Variants in BCR observed in about 807,000 individuals in gnomAD.
BCR encodes breakpoint cluster region protein.
Under a neutral mutation model 138.6 loss-of-function variants are expected in BCR, and 58 were observed. That is an observed-to-expected ratio of 0.42 (90% CI 0.34 to 0.52). BCR has a LOEUF of 0.52. BCR is among the 20% of genes least tolerant of loss of function. The pLI, the probability that BCR is intolerant of heterozygous loss-of-function variation, is 0.06. For missense variants in BCR, 1,599 were observed against 1,727.2 expected (o/e 0.93, Z 1.32); for synonymous variants, 786 against 730.1 (o/e 1.08, Z -1.23).
chr22:23,185,711 G>A (rs1233576413), intron 1 of BCR, among the ~76,000 whole-genome samples: 8 of 149,450 alleles, frequency 5.4e-5, no homozygotes, highest in Admixed American at 1.3e-4. Context: ...AGGAGAGTGT[G>A]GTTCTCTCTG....
At chr22:23,210,888 A>G (rs557821727) in intron 1 of BCR, among the ~76,000 whole-genome samples, 6 of 152,226 alleles carry the variant, frequency 3.9e-5, no homozygotes, top group African/African-American at 1.2e-4. Context: ...TTTCTATCCC[A>G]CTAACATCTT....
intron 2 of BCR, among the ~76,000 whole-genome samples, chr22:23,259,871 C>G (rs1169840924): frequency 6.6e-6 from 1 of 152,064 alleles, no homozygotes; most frequent in African/African-American, 2.4e-5. Flanking sequence ...GCATGAGGTC[C>G]CAGCTACTTG....
At chr22:23,258,786 G>A (rs948803440) in intron 2 of BCR, among the ~76,000 whole-genome samples, 1 of 152,216 alleles carries the variant, frequency 6.6e-6, no homozygotes, top group Non-Finnish European at 1.5e-5. Context: ...AGATGTCAGC[G>A]GGGCCAACGA....
At chr22:23,288,996 A>G (rs545237299) in intron 12 of BCR, among the ~76,000 whole-genome samples, 3 of 152,220 alleles carry the variant, frequency 2.0e-5, no homozygotes, top group African/African-American at 7.2e-5. Flanking sequence ...GGGATCAAGG[A>G]TCTCCGGGCA....
At chr22:23,312,744 G>C in intron 19 of BCR, 143 bp from the exon 20 acceptor site, 1 of 692,508 alleles carries the variant, frequency 1.4e-6, no homozygotes, top group Non-Finnish European at 2.5e-6. Context: ...GCTCTTGGGA[G>C]GAGTCAGATG....
chr22:23,263,728 G>A, intron 4 of BCR: 1 of 1,424,360 alleles, frequency 7.0e-7, no homozygotes, highest in South Asian at 1.1e-5. Context: ...TGAACAGGAG[G>A]TGAACTGTGT....
chr22:23,224,605 G>C (rs1014366205), intron 1 of BCR, among the ~76,000 whole-genome samples: 3 of 152,210 alleles, frequency 2.0e-5, no homozygotes, highest in Non-Finnish European at 4.4e-5. Flanking sequence ...TGAGAGGCCG[G>C]GGGCTGTAGC....
At chr22:23,297,228 TTTTTTTTTTC>T (rs2073856391) in intron 16 of BCR, among the ~76,000 whole-genome samples, 2 of 146,260 alleles carry the variant, frequency 1.4e-5, no homozygotes, top group African/African-American at 5.1e-5. Context: ...TTTGTTTTTT[TTTTTTTTTTC>T]GAGACAGAGT....
At chr22:23,188,566 G>A (rs1311591814) in intron 1 of BCR, among the ~76,000 whole-genome samples, 1 of 152,174 alleles carries the variant, frequency 6.6e-6, no homozygotes, top group Admixed American at 6.5e-5. Context: ...CACCCCTGTG[G>A]TTTGAGAGGG....
At chr22:23,195,545 A>G (rs920070859) in intron 1 of BCR, among the ~76,000 whole-genome samples, 1 of 151,674 alleles carries the variant, frequency 6.6e-6, no homozygotes, top group African/African-American at 2.4e-5. Flanking sequence ...GTGAGCCAAG[A>G]TCTTGCCACT....
At chr22:23,285,584 C>T (rs1451831389) in intron 10 of BCR, among the ~76,000 whole-genome samples, 1 of 152,138 alleles carries the variant, frequency 6.6e-6, no homozygotes, top group Non-Finnish European at 1.5e-5. Flanking sequence ...AAACTGTGTC[C>T]AGTTTATGCC....
chr22:23,247,567 G>A (rs1286043752), intron 1 of BCR, among the ~76,000 whole-genome samples: 2 of 152,188 alleles, frequency 1.3e-5, no homozygotes, highest in Admixed American at 1.3e-4. Flanking sequence ...CACATTGGCA[G>A]AGGTTGGGTC....
At chr22:23,240,964 A>C (rs1469677710) in intron 1 of BCR, among the ~76,000 whole-genome samples, 1 of 152,204 alleles carries the variant, frequency 6.6e-6, no homozygotes. Flanking sequence ...GATTTCACTT[A>C]GCATAATGTC....
rs2146186755 is a variant in BCR at position 23,180,718 on chromosome 22, C to G, written c.-243C>G. 1 of 149,454 alleles carries G rather than the reference C, an allele frequency of 6.7e-6. No individual in the cohort carries two copies. The highest frequency in any genetic ancestry group is 6.7e-5 in the Admixed American group (1 of 14,844). The allele number at this position is 149,454 out of a possible 1,614,324, so 9.3% of individuals were successfully genotyped here. On this transcript the variant is annotated 5_prime_UTR_variant, in exon 1 of 23. Coordinates refer to ENST00000305877, the MANE Select transcript of BCR (RefSeq NM_004327.4). ...CCCGCGCCTCGCCGTGCGGAGGAGC[C>G]CCGCACACAATAGCGGCGCGCGCAG...
intron 1 of BCR, among the ~76,000 whole-genome samples, chr22:23,244,383 G>A (rs944063651): frequency 6.6e-6 from 1 of 152,160 alleles, no homozygotes; most frequent in Non-Finnish European, 1.5e-5. Flanking sequence ...TCCTTTGGGG[G>A]CCCACTACAG....
intron 15 of BCR, among the ~76,000 whole-genome samples, chr22:23,294,713 A>G (rs1237921799): frequency 6.6e-6 from 1 of 152,210 alleles, no homozygotes; most frequent in African/African-American, 2.4e-5. Context: ...GAAATATCTT[A>G]ACAAGTACCC....
rs769336783 is a variant in BCR, at chr22:23,289,522, A to G, written c.2608A>G (p.Arg870Gly). The change falls in exon 13 of 23, where the codon AGA (arginine) becomes GGA (glycine). Residue 870 changes from arginine to glycine, a missense_variant. Physicochemically the swap from Arg to Gly is moderately radical, Grantham distance 125. Coordinates refer to ENST00000305877, the MANE Select transcript of BCR (RefSeq NM_004327.4). ...NIREQQKKCF[R>G]SFSLTSVELQ... is the part of the protein sequence containing the mutation. The stretch of plus-strand genomic sequence containing the variant: ...CCTCTTTTCCAACCTCCCAGGTTTC[A>G]GAAGCTTCTCCCTGACATCCGTGGA... 8 of 1,614,076 alleles carry G rather than the reference A, an allele frequency of 5.0e-6. No individual in the cohort carries two copies. The South Asian group carries it at 6.6e-5, about 13-fold the overall frequency.
intron 13 of BCR, 193 bp from the exon 14 acceptor site, chr22:23,290,146 G>A (rs140506): frequency 0.97 from 645,208 of 668,090 alleles, 311,680 homozygotes; most frequent in East Asian, 1. Context: ...TGTGAAACCA[G>A]CTGGATCCTG....
At chr22:23,205,965 A>G (rs932687209) in intron 1 of BCR, among the ~76,000 whole-genome samples, 1 of 152,170 alleles carries the variant, frequency 6.6e-6, no homozygotes, top group African/African-American at 2.4e-5. Context: ...GGCGTCTCAC[A>G]TCTGTGCTCA....
Sources: allele counts gnomAD v4.1 joint callset (sites outside exome capture counted in the v4.1 genomes callset), GRCh38; gene constraint gnomAD v4.1.1; transcripts MANE v1.5; gene names NCBI Gene and HGNC (gene_info 2026-07-23, HGNC 2026-07-21).